CIMAP2: variants seen among roughly 807,000 people sequenced by gnomAD.
The protein encoded by CIMAP2 is ciliary microtubule associated protein 2.
chr1:54,812,253 C>T, the CIMAP2 span: 29 of 1,598,080 alleles, frequency 1.8e-5, no homozygotes, highest in Middle Eastern at 3.3e-4. Flanking sequence ...CCTCACTAGT[C>T]AGCACCAGGA....
the CIMAP2 span, chr1:54,807,076 C>A: frequency 1.9e-6 from 3 of 1,613,362 alleles, no homozygotes; most frequent in Non-Finnish European, 2.5e-6. Context: ...CGTTATTCTA[C>A]CCAAGTGGTG....
chr1:54,807,626 C>T, the CIMAP2 span: 4 of 1,610,780 alleles, frequency 2.5e-6, no homozygotes, highest in Non-Finnish European at 3.4e-6. Context: ...GCCCAGGAAG[C>T]CACGCGGCTG....
chr1:54,807,969 G>A, the CIMAP2 span: 14 of 1,606,102 alleles, frequency 8.7e-6, no homozygotes, highest in South Asian at 1.1e-5. Flanking sequence ...GCACCCGGGG[G>A]CTGCTCAGCT....
chr1:54,813,744 G>T, the CIMAP2 span: 7 of 1,480,116 alleles, frequency 4.7e-6, no homozygotes, highest in South Asian at 1.4e-5. Flanking sequence ...CTCTGGTTGC[G>T]GGGGAGGGTT....
the CIMAP2 span, among the ~76,000 whole-genome samples, chr1:54,826,064 T>C: frequency 6.6e-6 from 1 of 152,116 alleles, no homozygotes; most frequent in Non-Finnish European, 1.5e-5. Context: ...CCTGACGGTG[T>C]ACATGGGCAC....
chr1:54,815,200 T>C, the CIMAP2 span, among the ~76,000 whole-genome samples: 4 of 152,198 alleles, frequency 2.6e-5, no homozygotes, highest in East Asian at 7.7e-4. Flanking sequence ...TGTCTTATTT[T>C]CCTAAGGCAT....
chr1:54,836,384 G>A, the CIMAP2 span, among the ~76,000 whole-genome samples: 1 of 151,724 alleles, frequency 6.6e-6, no homozygotes, highest in African/African-American at 2.4e-5. Context: ...GGGGTGGATG[G>A]GGTAGAGACT....
the CIMAP2 span, chr1:54,811,766 C>CCGGGGGGGGGGGCG: frequency 7.7e-7 from 1 of 1,305,186 alleles, no homozygotes. Flanking sequence ...GTTCTGACAG[C>CCGGGGGGGGGGGCG]CTCCATGCCC....
the CIMAP2 span, among the ~76,000 whole-genome samples, chr1:54,836,120 G>A: frequency 6.6e-6 from 1 of 152,016 alleles, no homozygotes; most frequent in Admixed American, 6.5e-5. Flanking sequence ...TTTACTCTGG[G>A]ACACAGAAGT....
the CIMAP2 span, among the ~76,000 whole-genome samples, chr1:54,836,237 C>T: frequency 1.3e-5 from 2 of 151,712 alleles, no homozygotes; most frequent in African/African-American, 2.4e-5. Flanking sequence ...CCTTCCTTCC[C>T]TCTCTCCCTC....
At chr1:54,836,148 G>A in the CIMAP2 span, among the ~76,000 whole-genome samples, 2 of 151,976 alleles carry the variant, frequency 1.3e-5, no homozygotes, top group Admixed American at 1.3e-4. Context: ...TTGCCGTTGA[G>A]ACTGTGTGGC....
the CIMAP2 span, among the ~76,000 whole-genome samples, chr1:54,824,052 C>T: frequency 1.3e-5 from 2 of 151,806 alleles, no homozygotes; most frequent in South Asian, 2.1e-4. Context: ...GACAAGTTCT[C>T]GCTCTGTCAC....
the CIMAP2 span, among the ~76,000 whole-genome samples, chr1:54,823,030 G>A: frequency 1.3e-5 from 2 of 152,168 alleles, no homozygotes; most frequent in Admixed American, 1.3e-4. Context: ...GTATTGATGA[G>A]AAGAATGTGT....
At chr1:54,839,608 C>T in the CIMAP2 span, among the ~76,000 whole-genome samples, 6 of 152,014 alleles carry the variant, frequency 3.9e-5, no homozygotes, top group Admixed American at 2.0e-4. Context: ...AAACTCTTGA[C>T]CTCAGGTGAT....
chr1:54,837,255 ACT>A, the CIMAP2 span, among the ~76,000 whole-genome samples: 1 of 151,766 alleles, frequency 6.6e-6, no homozygotes, highest in Non-Finnish European at 1.5e-5. Context: ...GGTAGCCTGG[ACT>A]CCACTCTGTG....
chr1:54,811,799 C>T, the CIMAP2 span: 3 of 1,581,998 alleles, frequency 1.9e-6, no homozygotes, highest in South Asian at 1.1e-5. Context: ...CACAGAACTA[C>T]TATCCAGGCC....
At chr1:54,828,999 C>A in the CIMAP2 span, among the ~76,000 whole-genome samples, 3 of 152,232 alleles carry the variant, frequency 2.0e-5, no homozygotes, top group East Asian at 5.8e-4. Flanking sequence ...GAATAATGAT[C>A]CCACTTTAAA....
At chr1:54,828,542 G>A in the CIMAP2 span, among the ~76,000 whole-genome samples, 3 of 152,270 alleles carry the variant, frequency 2.0e-5, no homozygotes, top group East Asian at 1.9e-4. Context: ...GTGTTGCCCA[G>A]GCTGGTCTCA....
At chr1:54,820,118 CTTTCTTTCT>C in the CIMAP2 span, among the ~76,000 whole-genome samples, 1 of 70,710 alleles carries the variant, frequency 1.4e-5, no homozygotes, top group Non-Finnish European at 2.9e-5. Flanking sequence ...CTCTCTCTTT[CTTTCTTTCT>C]TTCTTTCTTT....
Sources: allele counts gnomAD v4.1 joint callset (sites outside exome capture counted in the v4.1 genomes callset), GRCh38; gene constraint gnomAD v4.1.1; transcripts MANE v1.5; gene names NCBI Gene and HGNC (gene_info 2026-07-23, HGNC 2026-07-21).